The following BPGM variants were observed in gnomAD, a reference collection of about 807,000 sequenced individuals.
BPGM encodes bisphosphoglycerate mutase.
Under a neutral mutation model 21.6 loss-of-function variants are expected in BPGM, and 15 were observed. The ratio of observed to expected loss-of-function variants is 0.70; its 90% CI spans 0.47 to 1.07. The LOEUF (loss-of-function observed/expected upper bound fraction) is 1.07. BPGM is among the 50% of genes least tolerant of loss of function. The pLI is 0.00. For missense variants in BPGM, 273 were observed against 319.0 expected (o/e 0.86, Z 1.10); for synonymous variants, 113 against 116.2 (o/e 0.97, Z 0.18).
rs1795943825 is a variant in BPGM at position 134,673,870 on chromosome 7, C to T, written c.602-4983C>T. Among the ~76,000 whole-genome samples the T allele has an allele frequency of 2.7e-5, 4 of 149,782 alleles. No individual in the cohort carries two copies. In the South Asian group the frequency reaches 8.5e-4, roughly 32 times the overall value. ...TGCCTTAATAGTCCTGTGAGTAGAG[C>T]AGGTTTTTATTTAACCACTCTGGAT... On this transcript the variant is annotated intron_variant, in intron 2 of 2. Transcript: ENST00000344924.
chr7:134,671,621 C>A (rs1795906378), intron 2 of BPGM, among the ~76,000 whole-genome samples: 1 of 152,196 alleles, frequency 6.6e-6, no homozygotes, highest in South Asian at 2.1e-4. Context: ...GCCTCGGCCT[C>A]CCAAAGTGCT....
Position 134,667,244 on chromosome 7 carries a change from A to G in BPGM, c.601+5136A>G, listed in dbSNP as rs567209086. 4.6e-5 allele frequency among the ~76,000 whole-genome samples: 7 copies of G among 152,340 alleles called. 1 individual carries two copies. In the South Asian group the frequency reaches 1.4e-3, roughly 32 times the overall value. On this transcript the variant is annotated intron_variant, in intron 2 of 2. Coordinates refer to ENST00000344924, the MANE Select transcript of BPGM (RefSeq NM_001724.5). ...ATGTGTATGTGTTTATGGTGGTACAAAATATAAGTTACCATCTTAATTGCC... is the reference window on the plus strand; with the variant it reads ...ATGTGTATGTGTTTATGGTGGTACAGAATATAAGTTACCATCTTAATTGCC...
At chr7:134,678,351 G>A (rs1796011674) in intron 2 of BPGM, among the ~76,000 whole-genome samples, 1 of 152,170 alleles carries the variant, frequency 6.6e-6, no homozygotes, top group Non-Finnish European at 1.5e-5. Flanking sequence ...CTGTTGGACT[G>A]GATCTAGCTC....
Position 134,661,159 on chromosome 7 carries a change from A to G in BPGM, c.-61-288A>G, listed in dbSNP as rs538668144. ...TACTGTAAGCATAAATTGCCTTTGT[A>G]TCTGGCAGAAACACAGCATGCCATT... is the stretch of plus-strand genomic sequence containing the variant. On this transcript the variant is annotated intron_variant, in intron 1 of 2. Transcript: ENST00000344924. This position sits in a 1 kb window ranked among gnomAD's most constrained non-coding sequence, Gnocchi z 4.6. Among the ~76,000 whole-genome samples, 57 of 41,784 alleles carry G rather than the reference A, an allele frequency of 1.4e-3. No homozygotes were observed. Among genetic ancestry groups the G allele is most frequent in the African/African-American group, 5.1e-3 (53 of 10,372 alleles). The allele number at this position is 41,784 out of a possible 152,430, so 27.4% of individuals were successfully genotyped here.
At position 134,663,890 on chromosome 7, in the gene BPGM, TA is replaced by T. The variant is rs541620227; in HGVS notation, c.601+1784del. On this transcript the variant is annotated intron_variant, in intron 2 of 2. Coordinates refer to ENST00000344924, the MANE Select transcript of BPGM (RefSeq NM_001724.5). ...CCCTCCTGCTAGTGCATTGATGATT[TA>T]ACTATTTTTTACTGTTCTTTTTGAG... Among the ~76,000 whole-genome samples the T allele has an allele frequency of 1.6e-4, 24 of 152,326 alleles. No individual in the cohort carries two copies. In the East Asian group the frequency reaches 4.6e-3, roughly 29 times the overall value.
At chr7:134,651,566 T>A (rs190854036) in intron 1 of BPGM, among the ~76,000 whole-genome samples, 1 of 152,312 alleles carries the variant, frequency 6.6e-6, no homozygotes, top group Admixed American at 6.5e-5. Context: ...CAGATGATCA[T>A]GCTACATTTG....
At chr7:134,673,129 G>A (rs1243887235) in intron 2 of BPGM, among the ~76,000 whole-genome samples, 3 of 152,068 alleles carry the variant, frequency 2.0e-5, no homozygotes, top group South Asian at 2.1e-4. Flanking sequence ...AGCTGAGATC[G>A]CGCCACTGCA....
Position 134,661,485 on chromosome 7 carries a change from G to C in BPGM, c.-23G>C. 8 of 1,613,882 alleles carry C rather than the reference G, an allele frequency of 5.0e-6. No homozygotes were observed. The highest frequency in any genetic ancestry group is 6.8e-6 in the Non-Finnish European group (8 of 1,179,924). ...CTTGAATATTAGCCCATTTGAAAAC[G>C]CCTGGGAAGTTCAGCCATCAGTATG... On this transcript the variant is annotated 5_prime_UTR_variant, in exon 2 of 3. Coordinates refer to ENST00000344924, the MANE Select transcript of BPGM (RefSeq NM_001724.5). This position sits in a 1 kb window ranked among gnomAD's most constrained non-coding sequence, Gnocchi z 4.6.
chr7:134,665,252 T>C (rs1198418560), intron 2 of BPGM, among the ~76,000 whole-genome samples: 2 of 96,398 alleles, frequency 2.1e-5, no homozygotes, highest in Non-Finnish European at 3.9e-5. Flanking sequence ...AAAATCAAAG[T>C]GCACATATAC....
At chr7:134,649,165 A>G (rs1483837800) in intron 1 of BPGM, among the ~76,000 whole-genome samples, 3 of 148,442 alleles carry the variant, frequency 2.0e-5, no homozygotes, top group African/African-American at 7.6e-5. Flanking sequence ...GAAAATTTAC[A>G]ATTAAATTGT....
chr7:134,669,619 A>T (rs1795873874), intron 2 of BPGM, among the ~76,000 whole-genome samples: 1 of 152,172 alleles, frequency 6.6e-6, no homozygotes, highest in Non-Finnish European at 1.5e-5. Context: ...CACTGAAACC[A>T]CATGTCAGTG....
intron 1 of BPGM, among the ~76,000 whole-genome samples, chr7:134,650,934 A>G (rs1179696192): frequency 6.6e-6 from 1 of 152,244 alleles, no homozygotes; most frequent in African/African-American, 2.4e-5. Flanking sequence ...CAAAAGAAAC[A>G]TTAAAAGCCT....
At chr7:134,652,621 C>T (rs1195908297) in intron 1 of BPGM, among the ~76,000 whole-genome samples, 1 of 152,122 alleles carries the variant, frequency 6.6e-6, no homozygotes, top group Admixed American at 6.6e-5. Context: ...ACTTTAACCC[C>T]CTCGCTCCTG....
intron 2 of BPGM, among the ~76,000 whole-genome samples, chr7:134,677,122 A>G (rs868171211): frequency 2.6e-4 from 40 of 152,320 alleles, no homozygotes; most frequent in African/African-American, 7.5e-4. Flanking sequence ...TGCTACCTAG[A>G]AGGGAATTCC....
chr7:134,663,412 G>A (rs1054045790), intron 2 of BPGM, among the ~76,000 whole-genome samples: 8 of 152,042 alleles, frequency 5.3e-5, no homozygotes, highest in African/African-American at 4.8e-5. Context: ...GCGCATGTGC[G>A]TGGGCACATG....
intron 2 of BPGM, 90 bp downstream of exon 2, chr7:134,662,198 A>C: frequency 6.6e-7 from 1 of 1,509,462 alleles, no homozygotes; most frequent in Non-Finnish European, 9.2e-7. Flanking sequence ...CCCTATTTAC[A>C]CAATAGACTC....
At chr7:134,669,505 C>T (rs1185131583) in intron 2 of BPGM, among the ~76,000 whole-genome samples, 1 of 151,964 alleles carries the variant, frequency 6.6e-6, no homozygotes, top group African/African-American at 2.4e-5. Flanking sequence ...AGTCTAGGAG[C>T]GGGTCAACAA....
At chr7:134,670,281 CAG>C (rs1795883897) in intron 2 of BPGM, among the ~76,000 whole-genome samples, 1 of 152,134 alleles carries the variant, frequency 6.6e-6, no homozygotes, top group South Asian at 2.1e-4. Context: ...ATTAGAGACT[CAG>C]GGAGGAAAGG....
chr7:134,657,869 A>C (rs1292978032), intron 1 of BPGM, among the ~76,000 whole-genome samples: 1 of 152,140 alleles, frequency 6.6e-6, no homozygotes, highest in Non-Finnish European at 1.5e-5. Flanking sequence ...TGTGTTGGGC[A>C]ATAACAGGAA....
Sources: gnomAD v4.1 joint callset for allele counts (sites outside exome capture counted in the v4.1 genomes callset) on GRCh38, gnomAD v4.1.1 for gene constraint, Gnocchi (gnomAD v3.1) non-coding constraint, MANE v1.5 for transcripts, NCBI Gene and HGNC (gene_info 2026-07-23, HGNC 2026-07-21) for gene names.